The following ZMAT4 variants were observed in gnomAD, a reference collection of about 807,000 sequenced individuals.
ZMAT4 encodes zinc finger matrin-type 4.
In ZMAT4, 17 loss-of-function variants were observed where a neutral mutation model predicts 28.7. That is an observed-to-expected ratio of 0.59 (90% CI 0.41 to 0.89). The LOEUF (loss-of-function observed/expected upper bound fraction) is 0.89. Ranked by LOEUF, ZMAT4 falls within the 40% of genes least tolerant of loss-of-function variation. The probability of loss-of-function intolerance (pLI) is 0.00; values close to 1 mark genes in which losing one functional copy is unlikely to be tolerated. For synonymous variants in ZMAT4, 117 were observed against 109.2 expected (o/e 1.07, Z -0.44); for missense variants, 240 against 283.8 (o/e 0.85, Z 1.11).
At chr8:40,678,303 C>A (rs1231809393) in intron 4 of ZMAT4, among the ~76,000 whole-genome samples, 1 of 152,150 alleles carries the variant, frequency 6.6e-6, no homozygotes, top group African/African-American at 2.4e-5. Context: ...CCCATTTCAC[C>A]ATAACATAAA....
intron 5 of ZMAT4, among the ~76,000 whole-genome samples, chr8:40,611,855 C>G (rs947680419): frequency 2.6e-5 from 4 of 152,114 alleles, no homozygotes; most frequent in African/African-American, 9.7e-5. Flanking sequence ...ATAAATTTTA[C>G]TATCATCTAT....
chr8:40,875,650 C>T lies in ZMAT4; in HGVS notation c.-5+22033G>A, dbSNP rs200308179. On this transcript the variant is annotated intron_variant, in intron 1 of 6. Transcript: ENST00000297737. ...TGGGTGTGTGAACTGACAGAGTCAG[C>T]GCTTCAGCCCCAGGGCACCGCCAAG... is the stretch of plus-strand genomic sequence containing the variant. 1.9e-3 allele frequency among the ~76,000 whole-genome samples: 288 copies of T among 152,132 alleles called. 2 individuals carry two copies. The highest frequency in any genetic ancestry group is 7.0e-3 in the East Asian group (36 of 5,162).
At chr8:40,647,222 C>T (rs1054127660) in intron 5 of ZMAT4, among the ~76,000 whole-genome samples, 8 of 152,240 alleles carry the variant, frequency 5.3e-5, no homozygotes, top group African/African-American at 1.2e-4. Flanking sequence ...GTGCGCCCAC[C>T]GTGCGTGAGC....
chr8:40,733,482 T>G (rs1478148438), intron 3 of ZMAT4, among the ~76,000 whole-genome samples: 1 of 152,214 alleles, frequency 6.6e-6, no homozygotes, highest in South Asian at 2.1e-4. Flanking sequence ...GTGAATCTTG[T>G]GTATTCTACA....
chr8:40,896,630 A>C (rs1818888149), intron 1 of ZMAT4, among the ~76,000 whole-genome samples: 1 of 152,208 alleles, frequency 6.6e-6, no homozygotes, highest in Admixed American at 6.5e-5. Context: ...CAGGGGGAGA[A>C]AGGAGTTTCC....
intron 2 of ZMAT4, among the ~76,000 whole-genome samples, chr8:40,810,164 T>C (rs1815262897): frequency 1.3e-5 from 2 of 152,206 alleles, no homozygotes; most frequent in Non-Finnish European, 2.9e-5. Flanking sequence ...TGTATGTATA[T>C]ATTCATTGTC....
intron 5 of ZMAT4, among the ~76,000 whole-genome samples, chr8:40,599,780 A>C (rs539799348): frequency 2.9e-4 from 44 of 152,316 alleles, no homozygotes; most frequent in Non-Finnish European, 4.6e-4. Flanking sequence ...CTGCCTGAAC[A>C]TATGCTGTGT....
At chr8:40,807,504 G>C (rs1815137066) in intron 2 of ZMAT4, among the ~76,000 whole-genome samples, 1 of 152,136 alleles carries the variant, frequency 6.6e-6, no homozygotes, top group Non-Finnish European at 1.5e-5. Flanking sequence ...GGCTATGGAT[G>C]ATCTAAGTGT....
chr8:40,847,967 G>A (rs1816968880), intron 1 of ZMAT4, among the ~76,000 whole-genome samples: 1 of 152,156 alleles, frequency 6.6e-6, no homozygotes, highest in Non-Finnish European at 1.5e-5. Flanking sequence ...CTAATTTTAA[G>A]TTCCAGGCTG....
chr8:40,616,108 T>C (rs1341947036), intron 5 of ZMAT4, among the ~76,000 whole-genome samples: 1 of 152,188 alleles, frequency 6.6e-6, no homozygotes, highest in African/African-American at 2.4e-5. Context: ...AAAGAAGACA[T>C]TTATGCAGTC....
chr8:40,575,949 C>T (rs1804249418), intron 6 of ZMAT4, among the ~76,000 whole-genome samples: 1 of 151,742 alleles, frequency 6.6e-6, no homozygotes, highest in Non-Finnish European at 1.5e-5. Context: ...AGAAATTCAA[C>T]AAAAAGTTAG....
At chr8:40,788,345 G>C (rs1379764903) in intron 2 of ZMAT4, among the ~76,000 whole-genome samples, 1 of 152,206 alleles carries the variant, frequency 6.6e-6, no homozygotes, top group Admixed American at 6.5e-5. Flanking sequence ...AGCATTTTGG[G>C]AGGCCGGGGC....
chr8:40,895,491 G>C (rs780108744), intron 1 of ZMAT4, among the ~76,000 whole-genome samples: 1 of 151,886 alleles, frequency 6.6e-6, no homozygotes, highest in Non-Finnish European at 1.5e-5. Context: ...ATCCTTTTTT[G>C]GTCTAAAGTT....
chr8:40,712,691 T>C (rs1810677629), intron 3 of ZMAT4, among the ~76,000 whole-genome samples: 1 of 151,922 alleles, frequency 6.6e-6, no homozygotes, highest in Non-Finnish European at 1.5e-5. Flanking sequence ...GAAATCATGG[T>C]TTTCACAGAA....
chr8:40,570,982 C>A (rs1804079601), intron 6 of ZMAT4, among the ~76,000 whole-genome samples: 1 of 152,138 alleles, frequency 6.6e-6, no homozygotes, highest in Non-Finnish European at 1.5e-5. Flanking sequence ...ATCGTAAGAA[C>A]ATGAGAGGTA....
At chr8:40,588,568 A>G (rs1239742063) in intron 5 of ZMAT4, among the ~76,000 whole-genome samples, 3 of 152,114 alleles carry the variant, frequency 2.0e-5, no homozygotes, top group Non-Finnish European at 2.9e-5. Context: ...TAAAAGAACA[A>G]TTAAATACTA....
chr8:40,755,735 G>A (rs1812651742), intron 3 of ZMAT4, among the ~76,000 whole-genome samples: 3 of 152,110 alleles, frequency 2.0e-5, no homozygotes, highest in South Asian at 2.1e-4. Flanking sequence ...TTAAGGGTGC[G>A]AACCACTGCA....
At chr8:40,559,775 G>T (rs374993328) in intron 6 of ZMAT4, among the ~76,000 whole-genome samples, 1 of 151,766 alleles carries the variant, frequency 6.6e-6, no homozygotes, top group Non-Finnish European at 1.5e-5. Flanking sequence ...ACACACATGC[G>T]AATACACATA....
intron 1 of ZMAT4, among the ~76,000 whole-genome samples, chr8:40,841,041 C>T (rs954509590): frequency 6.6e-6 from 1 of 152,150 alleles, no homozygotes; most frequent in Admixed American, 6.5e-5. Flanking sequence ...TACAATAGAA[C>T]CCTGTTGGAT....
Sources: allele counts gnomAD v4.1 joint callset (sites outside exome capture counted in the v4.1 genomes callset), GRCh38; gene constraint gnomAD v4.1.1; transcripts MANE v1.5; gene names NCBI Gene and HGNC (gene_info 2026-07-23, HGNC 2026-07-21).